The following IQGAP2 variants were observed in gnomAD, a reference collection of about 807,000 sequenced individuals.
IQGAP2 encodes ras GTPase-activating-like protein IQGAP2.
IQGAP2 carries 173 observed loss-of-function variants against 201.3 expected under a neutral mutation model. The observed-to-expected ratio is 0.86, with a 90% CI of 0.76 to 0.98. IQGAP2 has a LOEUF of 0.98. Ranked by LOEUF, IQGAP2 falls within the 50% of genes least tolerant of loss-of-function variation. IQGAP2 has a pLI of 0.00. For synonymous variants in IQGAP2, 675 were observed against 673.9 expected (o/e 1.00, Z -0.03); for missense variants, 1,687 against 1,864.8 (o/e 0.90, Z 1.76).
At chr5:76,639,204 A>G (rs1751374708) in intron 16 of IQGAP2, among the ~76,000 whole-genome samples, 1 of 152,208 alleles carries the variant, frequency 6.6e-6, no homozygotes, top group South Asian at 2.1e-4. Context: ...TAAGTGAGGA[A>G]ATTGGGGCAC....
chr5:76,601,054 T>C, intron 11 of IQGAP2, 82 bp downstream of exon 11: 4 of 1,374,776 alleles, frequency 2.9e-6, no homozygotes, highest in Non-Finnish European at 4.1e-6. Flanking sequence ...TGCCTGTTGG[T>C]GGAGAAATCC....
At chr5:76,658,396 C>G in intron 20 of IQGAP2, 63 bp from the exon 21 acceptor site, 1 of 1,330,038 alleles carries the variant, frequency 7.5e-7, no homozygotes, top group South Asian at 1.2e-5. Flanking sequence ...GACCTTGTTT[C>G]TTTCCTGTTG....
At position 76,491,031 on chromosome 5, in the gene IQGAP2, A is replaced by G. The variant is rs6867305; in HGVS notation, c.146+29362A>G. Among the ~76,000 whole-genome samples the G allele has an allele frequency of 6.9e-3, 995 of 144,616 alleles. 9 individuals are homozygous for G. Among genetic ancestry groups the G allele is most frequent in the African/African-American group, 0.024 (952 of 38,934 alleles). 94.9% of individuals were successfully genotyped at this position (144,616 alleles called of 152,430 possible). On this transcript the variant is annotated intron_variant, in intron 2 of 35. Coordinates refer to ENST00000274364, the MANE Select transcript of IQGAP2 (RefSeq NM_006633.5). ...TTGAGTCCTTGGGTTTATCAGCTGGAAACTTTCATGGCATTATTGCATCTT... is the reference window on the plus strand; with the variant it reads ...TTGAGTCCTTGGGTTTATCAGCTGGGAACTTTCATGGCATTATTGCATCTT...
intron 2 of IQGAP2, among the ~76,000 whole-genome samples, chr5:76,506,993 ACT>A (rs1437727485): frequency 6.6e-6 from 1 of 152,130 alleles, no homozygotes; most frequent in African/African-American, 2.4e-5. Flanking sequence ...CCAGCAAATA[ACT>A]CTGGATATTG....
intron 33 of IQGAP2, among the ~76,000 whole-genome samples, chr5:76,700,790 A>G (rs1303104260): frequency 1.3e-5 from 2 of 152,344 alleles, no homozygotes; most frequent in East Asian, 3.9e-4. Context: ...AAAGATAGCC[A>G]CTTGGTTCAA....
chr5:76,667,877 C>CTTTTTTTTTTTTTTTTTTTTTTT (rs540744402), intron 22 of IQGAP2, among the ~76,000 whole-genome samples: 3 of 123,422 alleles, frequency 2.4e-5, no homozygotes, highest in African/African-American at 6.3e-5. Context: ...AGTCCACTTT[C>CTTTTTTTTTTTTTTTTTTTTTTT]TTTTTTTTTT....
chr5:76,624,190 T>C (rs1257355113), intron 13 of IQGAP2: 1 of 152,190 alleles, frequency 6.6e-6, no homozygotes, highest in East Asian at 1.9e-4. Context: ...AGTTCAGTAA[T>C]GTTAAATACA....
chr5:76,640,188 C>T (rs953258458), intron 16 of IQGAP2, among the ~76,000 whole-genome samples: 4 of 152,100 alleles, frequency 2.6e-5, no homozygotes, highest in Non-Finnish European at 2.9e-5. Context: ...GATATGTATG[C>T]ATCTTTGGTA....
At chr5:76,496,703 T>TC (rs778328996) in intron 2 of IQGAP2, among the ~76,000 whole-genome samples, 7 of 11,372 alleles carry the variant, frequency 6.2e-4, no homozygotes, top group Non-Finnish European at 9.5e-4. Flanking sequence ...TCTTTCTGTC[T>TC]CTTTCTTTCT....
At chr5:76,649,751 A>G (rs1752366408) in intron 17 of IQGAP2, among the ~76,000 whole-genome samples, 1 of 152,184 alleles carries the variant, frequency 6.6e-6, no homozygotes, top group African/African-American at 2.4e-5. Context: ...GACTCTGTGT[A>G]GGAGCTCCAA....
In IQGAP2 at chr5:76,699,719, T is replaced by TTCTCTCTC. The variant is rs557554396; in HGVS notation, c.4368-1346_4368-1339dup. Reference sequence around the variant, plus strand: ...TCATTTGCTTCAGGCTTCTCTCTGTTTCTCTCTCTCTCTCTCTCACTCTCA... The same window carrying TTCTCTCTC: ...TCATTTGCTTCAGGCTTCTCTCTGTTTCTCTCTCTCTCTCTCTCTCTCTCTCACTCTCA... On this transcript the variant is annotated intron_variant, in intron 33 of 35. Transcript: ENST00000274364. Among the ~76,000 whole-genome samples the TTCTCTCTC allele has an allele frequency of 7.3e-4, 15 of 20,456 alleles. 2 individuals carry two copies. Among genetic ancestry groups the TTCTCTCTC allele is most frequent in the East Asian group, 4.4e-3 (3 of 682 alleles). The allele number at this position is 20,456 out of a possible 152,430, so 13.4% of individuals were successfully genotyped here.
chr5:76,441,646 T>G (rs1753045028), intron 1 of IQGAP2: 1 of 302,476 alleles, frequency 3.3e-6, no homozygotes, highest in African/African-American at 2.3e-5. Context: ...ACCTTTGATC[T>G]CCTATGCTGT....
intron 1 of IQGAP2, among the ~76,000 whole-genome samples, chr5:76,418,206 C>CA (rs11329998): frequency 0.2 from 16,889 of 85,566 alleles, 1,804 homozygotes; most frequent in East Asian, 0.42. Flanking sequence ...GACTCCGTCT[C>CA]AAAAAAAAAA....
At chr5:76,662,616 A>G (rs1478651981) in intron 21 of IQGAP2, among the ~76,000 whole-genome samples, 2 of 152,220 alleles carry the variant, frequency 1.3e-5, no homozygotes, top group African/African-American at 4.8e-5. Flanking sequence ...ATTTACATAC[A>G]TGTCGCCAGC....
intron 17 of IQGAP2, among the ~76,000 whole-genome samples, chr5:76,647,652 A>G (rs1281645239): frequency 6.6e-6 from 1 of 152,182 alleles, no homozygotes; most frequent in East Asian, 1.9e-4. Context: ...CTGTGAGTCC[A>G]TTAAACCTGT....
chr5:76,542,250 T>C (rs2150221345), intron 2 of IQGAP2, among the ~76,000 whole-genome samples: 1 of 152,380 alleles, frequency 6.6e-6, no homozygotes, highest in African/African-American at 2.4e-5. Context: ...CATGGGCCAC[T>C]GTGCCCGGCC....
At chr5:76,488,641 C>A (rs761769672) in intron 2 of IQGAP2, among the ~76,000 whole-genome samples, 1 of 152,114 alleles carries the variant, frequency 6.6e-6, no homozygotes, top group Non-Finnish European at 1.5e-5. Flanking sequence ...CGAGTCATTT[C>A]TTTGAACAGT....
At chr5:76,491,723 C>G (rs1036746885) in intron 2 of IQGAP2, among the ~76,000 whole-genome samples, 1 of 152,200 alleles carries the variant, frequency 6.6e-6, no homozygotes, top group African/African-American at 2.4e-5. Context: ...GTTCAGTCCT[C>G]TTTTTCTCTT....
intron 30 of IQGAP2, among the ~76,000 whole-genome samples, chr5:76,686,379 A>T (rs1745753880): frequency 7.0e-6 from 1 of 142,864 alleles, no homozygotes; most frequent in East Asian, 2.0e-4. Flanking sequence ...TACTTGTGAG[A>T]TTTACCCCAA....
Sources: allele counts gnomAD v4.1 joint callset (sites outside exome capture counted in the v4.1 genomes callset), GRCh38; gene constraint gnomAD v4.1.1; transcripts MANE v1.5; gene names NCBI Gene and HGNC (gene_info 2026-07-23, HGNC 2026-07-21).